RNPEPL1: variants seen among roughly 807,000 people sequenced by gnomAD.
The protein encoded by RNPEPL1 is arginyl aminopeptidase like 1.
RNPEPL1 carries 46 observed loss-of-function variants against 69.0 expected under a neutral mutation model. The observed-to-expected ratio is 0.67, with a 90% confidence interval of 0.53 to 0.85. RNPEPL1 has a LOEUF of 0.85. Ranked by LOEUF, RNPEPL1 falls within the 40% of genes least tolerant of loss-of-function variation. The pLI is 0.00. For synonymous variants in RNPEPL1, 525 were observed against 454.1 expected, an observed-to-expected ratio of 1.16 and a Z score of -1.98; for missense variants, 869 against 992.5, an observed-to-expected ratio of 0.88 and a Z score of 1.67.
rs927257026 is a variant in RNPEPL1 at position 240,580,632 on chromosome 2, C to T, written c.*2740C>T. 2 of 152,220 alleles carry T rather than the reference C, an allele frequency of 1.3e-5. No individual in the cohort carries two copies. Among genetic ancestry groups the T allele is most frequent in the African/African-American group, 4.8e-5 (2 of 41,440 alleles). 9.4% of individuals were successfully genotyped at this position (152,220 alleles called of 1,614,324 possible). ...GATAAGAGAGCTGTTGAGGGGCTCA[C>T]ACTGGCAGTGGAAGTTCTAAGGGGC... On this transcript the variant is annotated 3_prime_UTR_variant, in exon 11 of 11. Transcript: ENST00000270357.
At position 240,568,535 on chromosome 2, in the gene RNPEPL1, C is replaced by G; in HGVS notation, c.-52C>G. 1 of 892,548 alleles carries G rather than the reference C, an allele frequency of 1.1e-6. No individual in the cohort carries two copies. The highest frequency in any genetic ancestry group is 1.3e-6 in the Non-Finnish European group (1 of 748,818). 55.3% of individuals were successfully genotyped at this position (892,548 alleles called of 1,614,324 possible). A position where few individuals can be genotyped will look rare whatever the true frequency, so the allele number is the denominator to read the frequency against. On this transcript the variant is annotated 5_prime_UTR_variant, in exon 1 of 11. Transcript: ENST00000270357. This position sits in a 1 kb window ranked among gnomAD's most constrained non-coding sequence, Gnocchi z 6.2. The stretch of plus-strand genomic sequence containing the variant: ...CGCCGCCGCCGCCCGGCGCCCCTCG[C>G]CCGCGGCCCGGCGCGGCCGCCGCCC...
Position 240,575,089 on chromosome 2 carries a change from T to A in RNPEPL1, c.1348T>A (p.Tyr450Asn). The change falls in exon 7 of 11, where the codon TAC becomes AAC. Residue 450 changes from tyrosine to asparagine, a missense_variant. Tyr to Asn is a moderately radical substitution (Grantham distance 143). Around this residue, in one of 2 missense-constraint regions of RNPEPL1, gnomAD observed 610 missense variants for 790.9 expected, o/e 0.77. Transcript: ENST00000270357. ...CTACGAGAAGGGCTACTGCTTCGTG[T>A]ACTACCTGTCCCAGCTCTGCGGAGA... ...FTYEKGYCFV[Y>N]YLSQLCGDPQ... 6.2e-7 allele frequency: 1 copy of A among 1,613,838 alleles called. No homozygotes were observed. Among genetic ancestry groups the A allele is most frequent in the Non-Finnish European group, 8.5e-7 (1 of 1,180,014 alleles).
chr2:240,568,803 C>A lies in RNPEPL1; in HGVS notation c.217C>A (p.Arg73Ser). Residue 73 changes from arginine (R) to serine (S), a missense_variant, in exon 1 of 11, where the codon CGC becomes AGC. Arg to Ser is a moderately radical substitution (Grantham distance 110, BLOSUM62 -1). Transcript: ENST00000270357. This position sits in a 1 kb window ranked among gnomAD's most constrained non-coding sequence, Gnocchi z 6.2. ...GCTGTGCGCGCTGCGGCCCGCGCCC[C>A]GCGCGCTCGTGCTCGACGCGCACCC... is the stretch of plus-strand genomic sequence containing the variant. ...LELCALRPAPRALVLDAHPAL... is the reference protein window; with the variant it reads ...LELCALRPAPSALVLDAHPAL... 9.2e-7 allele frequency: 1 copy of A among 1,091,456 alleles called. No individual in the cohort carries two copies. Among genetic ancestry groups the A allele is most frequent in the South Asian group, 3.2e-5 (1 of 31,524 alleles). The allele number at this position is 1,091,456 out of a possible 1,614,324, so 67.6% of individuals were successfully genotyped here.
At position 240,576,677 on chromosome 2, in the gene RNPEPL1, G is replaced by C. The variant is rs34344571; in HGVS notation, c.1653G>C (p.Ser551=). The change falls in exon 9 of 11, where the codon TCG becomes TCC. Residue 551 remains serine (S), a synonymous_variant. Coordinates refer to ENST00000270357, the MANE Select transcript of RNPEPL1 (RefSeq NM_018226.6). ...TAEPLDQAAA[S]ASAIDISKWR... ...AACCTCTGGACCAGGCAGCTGCCTC[G>C]GCCAGCGCCATTGACATCTCCAAGT... 0.055 allele frequency: 88,425 copies of C among 1,612,972 alleles called. 2,721 individuals carry two copies. Among genetic ancestry groups the C allele is most frequent in the South Asian group, 0.072 (6,590 of 91,086 alleles).
At position 240,575,573 on chromosome 2, in the gene RNPEPL1, C is replaced by T. The variant is rs755876911; in HGVS notation, c.1473C>T (p.Phe491=). 6 of 1,613,326 alleles carry T rather than the reference C, an allele frequency of 3.7e-6. No homozygotes were observed. The highest frequency in any genetic ancestry group is 3.3e-5 in the South Asian group (3 of 91,092). ...QDLLDSFLSF[F]PELKEQSVDC... is the part of the protein sequence containing the mutation. Reference sequence around the variant, plus strand: ...TGCTGGACTCCTTCCTGAGCTTCTTCCCGGAGCTGAAGGAGCAGAGCGTGG... The same window carrying T: ...TGCTGGACTCCTTCCTGAGCTTCTTTCCGGAGCTGAAGGAGCAGAGCGTGG... The change falls in exon 8 of 11, where the codon TTC becomes TTT. Residue 491 remains phenylalanine, a synonymous_variant. Coordinates refer to ENST00000270357, the MANE Select transcript of RNPEPL1 (RefSeq NM_018226.6).
intron 1 of RNPEPL1, chr2:240,569,338 C>T (rs181334029): frequency 1.8e-5 from 9 of 488,612 alleles, no homozygotes; most frequent in Non-Finnish European, 2.5e-5. Context: ...GGAAGCCTCC[C>T]GTTCAGGTGT....
At position 240,578,190 on chromosome 2, in the gene RNPEPL1, C is replaced by A; in HGVS notation, c.*298C>A. ...AGCTGTGCCTAGCCCCGGATGCCAG[C>A]ACCTGCCAGGTGCCGCCCCGGGGCA... On this transcript the variant is annotated 3_prime_UTR_variant, in exon 11 of 11. Transcript: ENST00000270357. 3.2e-6 allele frequency: 1 copy of A among 308,682 alleles called. No individual in the cohort carries two copies. The highest frequency in any genetic ancestry group is 6.0e-6 in the Non-Finnish European group (1 of 167,194). The allele number at this position is 308,682 out of a possible 1,614,324, so 19.1% of individuals were successfully genotyped here.
Position 240,573,774 on chromosome 2 carries a change from G to C in RNPEPL1, c.822-1G>C. 6.5e-7 allele frequency: 1 copy of C among 1,534,370 alleles called. No homozygotes were observed. Among genetic ancestry groups the C allele is most frequent in the Non-Finnish European group, 8.8e-7 (1 of 1,137,932 alleles). ...CAGCTCACCCTCTCTGCATGCACCA[G>C]GAGCCGCGTGTGGGCCGAGCCATGC... On this transcript the variant is annotated splice_acceptor_variant, in intron 3 of 10. Transcript: ENST00000270357. LOFTEE classifies it high-confidence loss of function.
Position 240,573,117 on chromosome 2 carries a change from CG to C in RNPEPL1, c.682del (p.Val228CysfsTer4). ...CTYSAVVKAP[S>X]GVQVLMSATR... is the part of the protein sequence containing the mutation. Reference sequence around the variant, plus strand: ...AGTCCGGCCTCCTTACAGGCGCCATCGGGGGTGCAGGTGCTGATGAGTGCCA... The same window carrying C: ...AGTCCGGCCTCCTTACAGGCGCCATCGGGGTGCAGGTGCTGATGAGTGCCA... On this transcript the variant is annotated frameshift_variant, in exon 3 of 11. Transcript: ENST00000270357. LOFTEE classifies it high-confidence loss of function. 1 of 1,605,322 alleles carries C rather than the reference CG, an allele frequency of 6.2e-7. No individual in the cohort carries two copies. The highest frequency in any genetic ancestry group is 8.5e-7 in the Non-Finnish European group (1 of 1,176,062).
rs1479165759 is a variant in RNPEPL1 at position 240,580,610 on chromosome 2, AAG to A, written c.*2723_*2724del. 6.6e-6 allele frequency: 1 copy of A among 152,234 alleles called. No homozygotes were observed. Among genetic ancestry groups the A allele is most frequent in the Non-Finnish European group, 1.5e-5 (1 of 68,052 alleles). 9.4% of individuals were successfully genotyped at this position (152,234 alleles called of 1,614,324 possible). On this transcript the variant is annotated 3_prime_UTR_variant, in exon 11 of 11. Transcript: ENST00000270357. Reference sequence around the variant, plus strand: ...TGTTTCCAGGCACCTTGCCAGGGATAAGAGAGCTGTTGAGGGGCTCACACTGG... The same window carrying A: ...TGTTTCCAGGCACCTTGCCAGGGATAAGAGCTGTTGAGGGGCTCACACTGG...
chr2:240,575,635 G>A (rs2093035464), intron 8 of RNPEPL1, 25 bp downstream of exon 8: 2 of 1,591,918 alleles, frequency 1.3e-6, no homozygotes, highest in Non-Finnish European at 1.7e-6. Flanking sequence ...CAACCCTGCA[G>A]CCAGGGAGCC....
rs373027267 is a variant in RNPEPL1, at chr2:240,573,811, G to A, written c.858G>A (p.Thr286=). 1.1e-4 allele frequency: 166 copies of A among 1,549,784 alleles called. No individual in the cohort carries two copies. In the African/African-American group the frequency reaches 1.6e-3, roughly 15 times the overall value. Residue 286 remains threonine, a synonymous_variant, in exon 4 of 11, where the codon ACG becomes ACA. Transcript: ENST00000270357. ...RVWAEPCLLP[T]ATSKLSGAVE... The stretch of plus-strand genomic sequence containing the variant: ...GGGCCGAGCCATGCCTCCTGCCCAC[G>A]GCCACCAGCAAGCTGTCGGGCGCAG...
chr2:240,573,726 G>A, intron 3 of RNPEPL1, 49 bp from the exon 4 acceptor site: 6 of 1,439,856 alleles, frequency 4.2e-6, no homozygotes, highest in East Asian at 2.5e-5. Context: ...GGTGGGGTGA[G>A]CGGGGCTGGG....
At chr2:240,576,473 G>C in intron 8 of RNPEPL1, 62 bp from the exon 9 acceptor site, 1 of 1,480,210 alleles carries the variant, frequency 6.8e-7, no homozygotes, top group South Asian at 1.3e-5. Flanking sequence ...CTCCTGGGCA[G>C]ATTGCTCAGG....
chr2:240,570,783 GC>G (rs1301995540), intron 1 of RNPEPL1, among the ~76,000 whole-genome samples: 1 of 152,214 alleles, frequency 6.6e-6, no homozygotes, highest in Non-Finnish European at 1.5e-5. Context: ...GTGCCCGGGT[GC>G]CCTGACGGGG....
chr2:240,570,807 T>C (rs957426413), intron 1 of RNPEPL1, among the ~76,000 whole-genome samples: 5 of 152,016 alleles, frequency 3.3e-5, no homozygotes, highest in Admixed American at 3.3e-4. Context: ...TGGTGCCCCA[T>C]CTGTGGGGCA....
At chr2:240,569,142 C>T (rs897220689) in intron 1 of RNPEPL1, 28 bp downstream of exon 1, 16 of 1,428,518 alleles carry the variant, frequency 1.1e-5, no homozygotes, top group Non-Finnish European at 1.4e-5. Context: ...GCCGGGGCTG[C>T]GGGCCGGTCC....
At chr2:240,573,644 G>C in intron 3 of RNPEPL1, 131 bp from the exon 4 acceptor site, 1 of 764,268 alleles carries the variant, frequency 1.3e-6, no homozygotes, top group Non-Finnish European at 2.1e-6. Context: ...AGGGCGGGCT[G>C]TAGGCTGGGG....
At position 240,568,683 on chromosome 2, in the gene RNPEPL1, G is replaced by T; in HGVS notation, c.97G>T (p.Ala33Ser). Residue 33 changes from alanine (A) to serine (S), a missense_variant, in exon 1 of 11, where the codon GCC (alanine) becomes TCC (serine). Ala to Ser is a moderately conservative substitution (Grantham distance 99). This residue lies in a region of RNPEPL1 where 259 missense variants were observed against 201.5 expected (regional missense o/e 1.29). Coordinates refer to ENST00000270357, the MANE Select transcript of RNPEPL1 (RefSeq NM_018226.6). This position sits in a 1 kb window ranked among gnomAD's most constrained non-coding sequence, Gnocchi z 6.2. Reference protein sequence around the residue: ...EPPPALDVASASSAQLFRLRH... With the variant: ...EPPPALDVASSSSAQLFRLRH... Reference sequence around the variant, plus strand: ...GCCGCCCGCCCTGGACGTGGCCTCGGCCTCCAGCGCGCAGCTCTTCCGCCT... The same window carrying T: ...GCCGCCCGCCCTGGACGTGGCCTCGTCCTCCAGCGCGCAGCTCTTCCGCCT... 9.5e-7 allele frequency: 1 copy of T among 1,049,166 alleles called. No individual in the cohort carries two copies. The highest frequency in any genetic ancestry group is 1.2e-6 in the Non-Finnish European group (1 of 868,950). 65.0% of individuals were successfully genotyped at this position (1,049,166 alleles called of 1,614,324 possible).
Sources: gnomAD v4.1 joint callset for allele counts (sites outside exome capture counted in the v4.1 genomes callset) on GRCh38, gnomAD v4.1.1 for gene constraint, gnomAD v4.1.1 regional missense constraint, Gnocchi (gnomAD v3.1) non-coding constraint, MANE v1.5 for transcripts, NCBI Gene and HGNC (gene_info 2026-07-23, HGNC 2026-07-21) for gene names.